The following CCDC30 variants were observed in gnomAD, a reference collection of about 807,000 sequenced individuals.
The protein encoded by CCDC30 is coiled-coil domain-containing protein 30.
CCDC30 carries 70 observed loss-of-function variants against 100.2 expected under a neutral mutation model. That is an observed-to-expected ratio of 0.70 (90% CI 0.58 to 0.85). The LOEUF (loss-of-function observed/expected upper bound fraction) is 0.85, where lower values mean the gene tolerates loss of function less well. Ranked by LOEUF, CCDC30 falls within the 40% of genes least tolerant of loss-of-function variation. The probability of loss-of-function intolerance (pLI) is 0.00; values close to 1 mark genes in which losing one functional copy is unlikely to be tolerated. For missense variants in CCDC30, 652 were observed against 771.2 expected (o/e 0.85, Z 1.83); for synonymous variants, 233 against 269.5 (o/e 0.86, Z 1.33).
chr1:42,571,447 A>T (rs368427825), intron 7 of CCDC30: 1 of 151,922 alleles, frequency 6.6e-6, no homozygotes, highest in South Asian at 2.1e-4. Context: ...TATCATTGAA[A>T]TTTCAAAAGT....
intron 6 of CCDC30, among the ~76,000 whole-genome samples, chr1:42,534,221 A>AGG (rs113915722): frequency 1.3e-5 from 2 of 149,374 alleles, no homozygotes; most frequent in South Asian, 2.1e-4. Context: ...AAAGAAAATG[A>AGG]GGGGGGGGGT....
chr1:42,606,203 C>T lies in CCDC30; in HGVS notation c.1165-4775C>T, dbSNP rs186727880. Among the ~76,000 whole-genome samples, 3 of 152,278 alleles carry T rather than the reference C, an allele frequency of 2.0e-5. No individual in the cohort carries two copies. The East Asian group carries it at 5.8e-4, about 29-fold the overall frequency. ...AAGATGCAGTATTAAATCATAACTG[C>T]ATAAAATTAACTATAGTACACACTG... On this transcript the variant is annotated intron_variant, in intron 10 of 16. Transcript: ENST00000668663.
At chr1:42,576,664 C>T (rs745970905) in intron 7 of CCDC30, among the ~76,000 whole-genome samples, 2 of 152,160 alleles carry the variant, frequency 1.3e-5, no homozygotes, top group Non-Finnish European at 2.9e-5. Flanking sequence ...TCACAGAATG[C>T]TACTGAGAAG....
At chr1:42,647,178 C>G (rs1384287200) in intron 15 of CCDC30, among the ~76,000 whole-genome samples, 1 of 152,018 alleles carries the variant, frequency 6.6e-6, no homozygotes, top group Non-Finnish European at 1.5e-5. Flanking sequence ...TAAAACCCAA[C>G]TATATACTGC....
chr1:42,506,098 G>A (rs966741214), intron 6 of CCDC30, among the ~76,000 whole-genome samples: 2 of 152,210 alleles, frequency 1.3e-5, no homozygotes, highest in Non-Finnish European at 2.9e-5. Flanking sequence ...TTATTCACAA[G>A]AGTATACCTT....
intron 6 of CCDC30, among the ~76,000 whole-genome samples, chr1:42,526,902 A>C (rs563556912): frequency 3.3e-5 from 5 of 152,222 alleles, no homozygotes; most frequent in Admixed American, 6.5e-5. Context: ...TGAACATATT[A>C]ACTGTTCCCC....
At chr1:42,482,277 A>G (rs1469055123) in intron 2 of CCDC30, among the ~76,000 whole-genome samples, 1 of 152,166 alleles carries the variant, frequency 6.6e-6, no homozygotes, top group Non-Finnish European at 1.5e-5. Flanking sequence ...TTTACAGAGA[A>G]GTGTTCCTGT....
chr1:42,538,926 C>T (rs554921504), intron 6 of CCDC30, among the ~76,000 whole-genome samples: 24 of 152,318 alleles, frequency 1.6e-4, no homozygotes, highest in African/African-American at 5.3e-4. Flanking sequence ...ACTCTAGAAA[C>T]TAAATCTTTC....
intron 10 of CCDC30, among the ~76,000 whole-genome samples, chr1:42,608,873 T>C (rs1646561745): frequency 6.6e-6 from 1 of 152,068 alleles, no homozygotes; most frequent in Non-Finnish European, 1.5e-5. Context: ...GAAAAAGCAG[T>C]ACTAGAAAAC....
intron 10 of CCDC30, among the ~76,000 whole-genome samples, chr1:42,597,993 T>C (rs1336453006): frequency 6.6e-6 from 1 of 150,882 alleles, no homozygotes; most frequent in Non-Finnish European, 1.5e-5. Context: ...CTCCAGTCTC[T>C]ACAAAAAATG....
At chr1:42,528,473 T>G (rs569242294) in intron 6 of CCDC30, among the ~76,000 whole-genome samples, 1 of 152,258 alleles carries the variant, frequency 6.6e-6, no homozygotes, top group South Asian at 2.1e-4. Flanking sequence ...GGAGCAGACA[T>G]GGCCAGGGAA....
At chr1:42,639,441 A>C (rs1179594735) in intron 12 of CCDC30, among the ~76,000 whole-genome samples, 2 of 152,204 alleles carry the variant, frequency 1.3e-5, no homozygotes, top group Non-Finnish European at 2.9e-5. Flanking sequence ...TGTCACTCAA[A>C]ACTATGAGAA....
chr1:42,640,609 G>A (rs1647310752), intron 12 of CCDC30, among the ~76,000 whole-genome samples: 1 of 152,104 alleles, frequency 6.6e-6, no homozygotes, highest in Non-Finnish European at 1.5e-5. Flanking sequence ...ATAATAGATG[G>A]ATGGCCAGGC....
At chr1:42,478,311 A>G (rs1490145567) in intron 1 of CCDC30, among the ~76,000 whole-genome samples, 1 of 152,220 alleles carries the variant, frequency 6.6e-6, no homozygotes, top group Non-Finnish European at 1.5e-5. Flanking sequence ...CAAGGCTCAG[A>G]GTGTAAATGG....
intron 11 of CCDC30, among the ~76,000 whole-genome samples, chr1:42,625,674 C>T (rs1646919677): frequency 6.6e-6 from 1 of 151,868 alleles, no homozygotes; most frequent in Non-Finnish European, 1.5e-5. Context: ...TCCAAAATTC[C>T]TCTTGCTGTT....
rs1258744188 is a variant in CCDC30 at position 42,537,270 on chromosome 1, A to C, written c.457-29026A>C. 8.8e-6 allele frequency: 4 copies of C among 456,156 alleles called. 1 individual carries two copies. The highest frequency in any genetic ancestry group is 6.2e-5 in the South Asian group (4 of 64,538). 28.3% of individuals were successfully genotyped at this position (456,156 alleles called of 1,614,324 possible). ...CTATCAGGAGACATAATCAGCCTAT[A>C]TTATGAAAAGAGACCTGGAAGTGAG... On this transcript the variant is annotated intron_variant, in intron 6 of 16. Coordinates refer to ENST00000668663, the Ensembl canonical transcript of CCDC30.
chr1:42,466,637 TG>T (rs1643594340), intron 1 of CCDC30, among the ~76,000 whole-genome samples: 1 of 151,532 alleles, frequency 6.6e-6, no homozygotes, highest in Non-Finnish European at 1.5e-5. Flanking sequence ...CTGCAGCCTC[TG>T]CCTCCCGGGT....
intron 6 of CCDC30, among the ~76,000 whole-genome samples, chr1:42,564,570 C>T (rs1422742594): frequency 6.6e-6 from 1 of 150,726 alleles, no homozygotes; most frequent in East Asian, 2.0e-4. Flanking sequence ...CCAGCCTATT[C>T]AGGATTATTG....
At chr1:42,612,189 A>T (rs1410378048) in intron 11 of CCDC30, among the ~76,000 whole-genome samples, 1 of 152,206 alleles carries the variant, frequency 6.6e-6, no homozygotes, top group African/African-American at 2.4e-5. Flanking sequence ...TTTCCATAAA[A>T]CTTAATATTT....
Sources: allele counts gnomAD v4.1 joint callset (sites outside exome capture counted in the v4.1 genomes callset), GRCh38; gene constraint gnomAD v4.1.1; transcripts MANE v1.5; gene names NCBI Gene and HGNC (gene_info 2026-07-23, HGNC 2026-07-21).